The following NBAS variants were observed in gnomAD, a reference collection of about 807,000 sequenced individuals.
NBAS encodes the protein NAG/BC035112 fusion.
NBAS carries 219 observed loss-of-function variants against 302.5 expected under a neutral mutation model. The ratio of observed to expected loss-of-function variants is 0.72; its 90% CI spans 0.65 to 0.81. The LOEUF is 0.81. NBAS is among the 30% of genes least tolerant of loss of function. NBAS has a pLI of 0.00. For synonymous variants in NBAS, 1,118 were observed against 1,021.6 expected, an observed-to-expected ratio of 1.09 and a Z score of -1.80; for missense variants, 2,932 against 2,841.6, an observed-to-expected ratio of 1.03 and a Z score of -0.72.
chr2:14,839,693 C>G, the NBAS span, among the ~76,000 whole-genome samples: 4 of 152,118 alleles, frequency 2.6e-5, no homozygotes, highest in East Asian at 7.7e-4. Flanking sequence ...CAAGGCAAAC[C>G]TGAACCTAAG....
At chr2:14,896,338 T>A in the NBAS span, among the ~76,000 whole-genome samples, 9 of 152,170 alleles carry the variant, frequency 5.9e-5, no homozygotes. Context: ...GCCAAACTAG[T>A]ATGTGTATTA....
chr2:15,475,994 T>G, intron 13 of NBAS, 114 bp from the exon 14 acceptor site: 28 of 754,064 alleles, frequency 3.7e-5, no homozygotes, highest in Non-Finnish European at 5.7e-5. Flanking sequence ...ATTTGGGCCC[T>G]AATGGTATGT....
intron 45 of NBAS, among the ~76,000 whole-genome samples, 182 bp from the exon 46 acceptor site, chr2:15,234,929 C>A (rs566569921): frequency 6.6e-6 from 1 of 152,300 alleles, no homozygotes; most frequent in African/African-American, 2.4e-5. Flanking sequence ...CATTTGAGTG[C>A]AAATTCTGGC....
intron 21 of NBAS, among the ~76,000 whole-genome samples, chr2:15,444,057 T>C (rs904247427): frequency 7.3e-5 from 11 of 151,582 alleles, no homozygotes; most frequent in Middle Eastern, 3.4e-3. Flanking sequence ...AGAATCAATA[T>C]TGTGAAAATG....
chr2:15,206,321 G>A (rs58731146), intron 48 of NBAS, among the ~76,000 whole-genome samples: 35,320 of 151,944 alleles, frequency 0.23, 4,128 homozygotes, highest in Middle Eastern at 0.3. Context: ...TTCTGAAAGT[G>A]TACACTCATA....
intron 9 of NBAS, among the ~76,000 whole-genome samples, chr2:15,517,267 G>A (rs62119757): frequency 1.1e-4 from 17 of 152,216 alleles, no homozygotes; most frequent in East Asian, 7.7e-4. Flanking sequence ...CATAGTACTC[G>A]ATAGGTAGTT....
chr2:15,426,172 A>G (rs1677465618), intron 22 of NBAS, among the ~76,000 whole-genome samples: 2 of 152,248 alleles, frequency 1.3e-5, no homozygotes, highest in African/African-American at 2.4e-5. Flanking sequence ...ATAGCAAAAA[A>G]TATTATCCTC....
the NBAS span, among the ~76,000 whole-genome samples, chr2:14,978,291 T>C: frequency 2.6e-5 from 4 of 152,244 alleles, no homozygotes; most frequent in Non-Finnish European, 5.9e-5. Flanking sequence ...ATCATATTAC[T>C]TGCATTAAAG....
the NBAS span, among the ~76,000 whole-genome samples, chr2:15,061,430 C>T: frequency 6.6e-6 from 1 of 152,196 alleles, no homozygotes; most frequent in South Asian, 2.1e-4. Flanking sequence ...TAATGCTTGG[C>T]ACATAGTGAC....
chr2:14,906,804 C>A, the NBAS span, among the ~76,000 whole-genome samples: 6 of 152,118 alleles, frequency 3.9e-5, no homozygotes. Flanking sequence ...AATAAAAGCA[C>A]AAAATAATTT....
chr2:15,043,260 A>G, the NBAS span, among the ~76,000 whole-genome samples: 1 of 152,110 alleles, frequency 6.6e-6, no homozygotes, highest in Admixed American at 6.5e-5. Flanking sequence ...AAACCGGGAC[A>G]TTGCCTCCCT....
intron 42 of NBAS, among the ~76,000 whole-genome samples, 159 bp downstream of exon 42, chr2:15,286,914 G>T (rs1226261818): frequency 6.6e-6 from 1 of 152,184 alleles, no homozygotes; most frequent in African/African-American, 2.4e-5. Context: ...AATGGTAAAG[G>T]TGTATCAAAG....
chr2:15,371,231 T>C (rs1435144184), intron 31 of NBAS, among the ~76,000 whole-genome samples: 1 of 152,194 alleles, frequency 6.6e-6, no homozygotes, highest in Non-Finnish European at 1.5e-5. Context: ...CCTTCTGCCA[T>C]GACTGTAAGT....
In NBAS at chr2:15,327,869, G is replaced by A. The variant is rs1257995194; in HGVS notation, c.4463C>T (p.Ser1488Phe). Reference protein sequence around the residue: ...SVISNPFVAESEGTYDTYQHV... With the variant: ...SVISNPFVAEFEGTYDTYQHV... The stretch of plus-strand genomic sequence containing the variant: ...CTGATAGGTGTCATAGGTCCCTTCA[G>A]ACTACACAAAAGAAGCAGTTTCACT... Residue 1488 changes from serine to phenylalanine, a missense_variant and splice_region_variant, in exon 38 of 52, where the codon TCT (serine) becomes TTT (phenylalanine). Coordinates refer to ENST00000281513, the MANE Select transcript of NBAS (RefSeq NM_015909.4). 10 of 1,613,486 alleles carry A rather than the reference G, an allele frequency of 6.2e-6. No homozygotes were observed. Among genetic ancestry groups the A allele is most frequent in the Non-Finnish European group, 8.5e-6 (10 of 1,179,728 alleles).
chr2:14,889,575 C>G, the NBAS span, among the ~76,000 whole-genome samples: 2 of 152,234 alleles, frequency 1.3e-5, no homozygotes, highest in Admixed American at 6.5e-5. Flanking sequence ...GATCCCGACT[C>G]TCCACATTCC....
chr2:14,872,034 TA>T, the NBAS span, among the ~76,000 whole-genome samples: 1 of 152,070 alleles, frequency 6.6e-6, no homozygotes, highest in Non-Finnish European at 1.5e-5. Flanking sequence ...CATTTACATA[TA>T]AAAACAGACA....
the NBAS span, among the ~76,000 whole-genome samples, chr2:14,818,857 A>C: frequency 1.3e-5 from 2 of 152,220 alleles, no homozygotes; most frequent in Admixed American, 1.3e-4. Context: ...CATTTCTGTG[A>C]ACTTGAAATA....
the NBAS span, among the ~76,000 whole-genome samples, chr2:15,108,754 C>A: frequency 6.6e-6 from 1 of 152,104 alleles, no homozygotes; most frequent in East Asian, 1.9e-4. Flanking sequence ...CCTGAAAAGG[C>A]AACCAATTAA....
At chr2:15,492,650 G>A (rs906922612) in intron 11 of NBAS, among the ~76,000 whole-genome samples, 2 of 152,098 alleles carry the variant, frequency 1.3e-5, no homozygotes, top group Non-Finnish European at 1.5e-5. Flanking sequence ...AGAGGGTCAC[G>A]GGGGTTCATC....
Sources: gnomAD v4.1 joint callset for allele counts (sites outside exome capture counted in the v4.1 genomes callset) on GRCh38, gnomAD v4.1.1 for gene constraint, MANE v1.5 for transcripts, NCBI Gene and HGNC (gene_info 2026-07-23, HGNC 2026-07-21) for gene names.